Variants in MCPH1 observed in about 807,000 individuals in gnomAD.
The protein encoded by MCPH1 is microcephalin 1.
A neutral mutation model predicts 84.5 loss-of-function variants in MCPH1; 104 were observed. That is an observed-to-expected ratio of 1.23 (90% CI 1.05 to 1.45). The LOEUF is 1.45. MCPH1 is among the 40% of genes most tolerant of loss of function. MCPH1 has a pLI of 0.00. For synonymous variants in MCPH1, 514 were observed against 366.8 expected, an observed-to-expected ratio of 1.40 and a Z score of -4.58; for missense variants, 1,498 against 1,005.7, an observed-to-expected ratio of 1.49 and a Z score of -6.62.
chr8:6,508,835 CGTT>C, intron 12 of MCPH1: 1 of 1,525,952 alleles, frequency 6.6e-7, no homozygotes, highest in Non-Finnish European at 9.1e-7. Context: ...TTGTGGACAT[CGTT>C]ACAAATCACA....
At chr8:6,466,131 T>TA (rs1806905206) in intron 9 of MCPH1, among the ~76,000 whole-genome samples, 3 of 100,572 alleles carry the variant, frequency 3.0e-5, no homozygotes, top group Admixed American at 9.8e-5. Flanking sequence ...ATTTTTGGAT[T>TA]TTTTTTTTTT....
At chr8:6,520,379 C>A (rs1253543154) in intron 12 of MCPH1, among the ~76,000 whole-genome samples, 1 of 152,134 alleles carries the variant, frequency 6.6e-6, no homozygotes, top group Non-Finnish European at 1.5e-5. Context: ...TGTCCCTAAA[C>A]ACTGTTATCT....
chr8:6,414,605 C>T (rs1031136587), intron 2 of MCPH1, among the ~76,000 whole-genome samples, 160 bp from the exon 3 acceptor site: 2 of 152,168 alleles, frequency 1.3e-5, no homozygotes, highest in Non-Finnish European at 2.9e-5. Flanking sequence ...ACCGTTGTAA[C>T]TGGAACAGAT....
At chr8:6,460,615 C>G (rs866366296) in intron 9 of MCPH1, among the ~76,000 whole-genome samples, 1 of 152,052 alleles carries the variant, frequency 6.6e-6, no homozygotes, top group Non-Finnish European at 1.5e-5. Flanking sequence ...AAATAACTCC[C>G]TTTTCTGGCT....
At chr8:6,634,538 C>G (rs184749265) in intron 13 of MCPH1, among the ~76,000 whole-genome samples, 3 of 152,314 alleles carry the variant, frequency 2.0e-5, no homozygotes, top group African/African-American at 7.2e-5. Context: ...AAGTGTAAAC[C>G]TGCTCTCATG....
In MCPH1 at chr8:6,444,851, A is replaced by C. The variant is rs1352183391; in HGVS notation, c.1129A>C (p.Thr377Pro). The C allele has an allele frequency of 2.5e-6, 4 of 1,614,234 alleles. No individual in the cohort carries two copies. The highest frequency in any genetic ancestry group is 3.4e-6 in the Non-Finnish European group (4 of 1,180,052). Residue 377 changes from threonine (T) to proline (P), a missense_variant, in exon 8 of 14, where the codon ACC becomes CCC. Transcript: ENST00000344683. ...PKEKCKRKRSTRRSIMPRLQL... is the reference protein window; with the variant it reads ...PKEKCKRKRSPRRSIMPRLQL... ...GGAAAAATGCAAGAGAAAGAGGAGCACCAGGAGATCTATCATGCCGAGGCT... is the reference window on the plus strand; with the variant it reads ...GGAAAAATGCAAGAGAAAGAGGAGCCCCAGGAGATCTATCATGCCGAGGCT...
chr8:6,426,737 C>T (rs890943693), intron 3 of MCPH1, among the ~76,000 whole-genome samples: 4 of 152,164 alleles, frequency 2.6e-5, no homozygotes, highest in African/African-American at 9.7e-5. Flanking sequence ...CAGCAGTGTT[C>T]CTTTCACTCC....
At chr8:6,468,584 C>T (rs577458916) in intron 9 of MCPH1, among the ~76,000 whole-genome samples, 83 of 151,028 alleles carry the variant, frequency 5.5e-4, no homozygotes, top group African/African-American at 2.0e-3. Context: ...TGAGGTGGTG[C>T]AGATGTATTG....
At chr8:6,421,019 G>A (rs1800116773) in intron 3 of MCPH1, among the ~76,000 whole-genome samples, 2 of 152,166 alleles carry the variant, frequency 1.3e-5, no homozygotes, top group Admixed American at 1.3e-4. Context: ...CCTTGATCCT[G>A]GGATTTGTAG....
At chr8:6,527,897 C>CTTTTTTTTTT (rs1343936237) in intron 12 of MCPH1, among the ~76,000 whole-genome samples, 4 of 105,956 alleles carry the variant, frequency 3.8e-5, no homozygotes, top group Non-Finnish European at 4.5e-5. Flanking sequence ...CCCCACGTCT[C>CTTTTTTTTTT]TATTTTTTTT....
chr8:6,520,084 A>G (rs1303744094), intron 12 of MCPH1: 1 of 1,450,470 alleles, frequency 6.9e-7, no homozygotes, highest in Non-Finnish European at 9.3e-7. Flanking sequence ...GAGTTTTATT[A>G]CTTTGGAATT....
intron 12 of MCPH1, among the ~76,000 whole-genome samples, chr8:6,599,140 T>TA (rs2129578128): frequency 6.6e-6 from 1 of 152,246 alleles, no homozygotes; most frequent in East Asian, 1.9e-4. Context: ...CGGTCATGAG[T>TA]AGGAAGTCCT....
At chr8:6,625,725 G>C in intron 13 of MCPH1, 1 of 976,296 alleles carries the variant, frequency 1.0e-6, no homozygotes, top group African/African-American at 1.8e-5. Flanking sequence ...TCAAGGCTGC[G>C]GTGAGCAACG....
At chr8:6,497,655 T>G (rs1027774757) in intron 11 of MCPH1, among the ~76,000 whole-genome samples, 1 of 152,206 alleles carries the variant, frequency 6.6e-6, no homozygotes, top group African/African-American at 2.4e-5. Flanking sequence ...ACGGGATGAC[T>G]GGGTACAACA....
intron 12 of MCPH1, among the ~76,000 whole-genome samples, chr8:6,572,630 G>A (rs1826753871): frequency 6.6e-6 from 1 of 152,206 alleles, no homozygotes; most frequent in African/African-American, 2.4e-5. Context: ...CATTCATTTA[G>A]CATACATAGA....
intron 12 of MCPH1, among the ~76,000 whole-genome samples, chr8:6,576,033 A>C (rs1169364234): frequency 1.6e-5 from 2 of 126,146 alleles, no homozygotes; most frequent in African/African-American, 6.0e-5. Flanking sequence ...CAACCCTAGC[A>C]AACTAATACA....
At chr8:6,478,336 A>G (rs949639527) in intron 10 of MCPH1, among the ~76,000 whole-genome samples, 1 of 152,194 alleles carries the variant, frequency 6.6e-6, no homozygotes, top group African/African-American at 2.4e-5. Context: ...TTATATAGTG[A>G]AAAAGGGGGT....
At chr8:6,511,670 A>G (rs1200072228) in intron 12 of MCPH1, among the ~76,000 whole-genome samples, 2 of 152,198 alleles carry the variant, frequency 1.3e-5, no homozygotes, top group East Asian at 3.8e-4. Flanking sequence ...TATTAGGATA[A>G]TAATTTTCGA....
intron 4 of MCPH1, among the ~76,000 whole-genome samples, chr8:6,435,522 G>T (rs1289651385): frequency 6.6e-6 from 1 of 152,104 alleles, no homozygotes; most frequent in East Asian, 1.9e-4. Context: ...TGATGCCAGG[G>T]CTCAATCTGA....
Sources: gnomAD v4.1 joint callset for allele counts (sites outside exome capture counted in the v4.1 genomes callset) on GRCh38, gnomAD v4.1.1 for gene constraint, MANE v1.5 for transcripts, NCBI Gene and HGNC (gene_info 2026-07-23, HGNC 2026-07-21) for gene names.